LRPPRC: variants seen among roughly 807,000 people sequenced by gnomAD.
LRPPRC encodes the protein leucine rich pentatricopeptide repeat containing, also known as leucine-rich PPR motif-containing protein, mitochondrial.
A neutral mutation model predicts 180.3 loss-of-function variants in LRPPRC; 120 were observed. That is an observed-to-expected ratio of 0.67 (90% confidence interval 0.57 to 0.77). The LOEUF (loss-of-function observed/expected upper bound fraction) is 0.77. LRPPRC is among the 30% of genes least tolerant of loss of function. The probability of loss-of-function intolerance (pLI) is 0.00; values close to 1 mark genes in which losing one functional copy is unlikely to be tolerated. For synonymous variants in LRPPRC, 723 were observed against 600.0 expected (o/e 1.21, Z -3.00); for missense variants, 2,012 against 1,657.2 (o/e 1.21, Z -3.72).
intron 30 of LRPPRC, among the ~76,000 whole-genome samples, chr2:43,906,145 T>G (rs1252025817): frequency 6.6e-6 from 1 of 152,198 alleles, no homozygotes; most frequent in East Asian, 1.9e-4. Flanking sequence ...ACATTCACAG[T>G]AATTATAAAA....
chr2:43,917,351 C>T (rs772595390), intron 29 of LRPPRC, among the ~76,000 whole-genome samples: 6 of 151,914 alleles, frequency 3.9e-5, no homozygotes, highest in Non-Finnish European at 5.9e-5. Context: ...GCCCGGCCTG[C>T]TTCGTTTTTT....
Position 43,995,984 on chromosome 2 carries a change from C to CA in LRPPRC, c.-38dup. The stretch of plus-strand genomic sequence containing the variant: ...CCCCGCAGCGGGAAGCACGCTCCGC[C>CA]AGAAGGACAGGAGGAGCATGTGACC... On this transcript the variant is annotated 5_prime_UTR_variant, in exon 1 of 38. Transcript: ENST00000260665. 6.6e-7 allele frequency: 1 copy of CA among 1,523,024 alleles called. No individual in the cohort carries two copies. Among genetic ancestry groups the CA allele is most frequent in the Non-Finnish European group, 8.8e-7 (1 of 1,141,716 alleles). The allele number at this position is 1,523,024 out of a possible 1,614,324, so 94.3% of individuals were successfully genotyped here.
intron 1 of LRPPRC, among the ~76,000 whole-genome samples, chr2:43,982,929 AG>A (rs1674375753): frequency 7.0e-6 from 1 of 142,842 alleles, no homozygotes. Flanking sequence ...AAAACGATGC[AG>A]GGTTTTTTTT....
intron 26 of LRPPRC, 140 bp from the exon 27 acceptor site, chr2:43,925,297 C>G: frequency 2.9e-6 from 2 of 700,276 alleles, no homozygotes; most frequent in South Asian, 3.1e-5. Context: ...ATGGGCTGAG[C>G]ACAACAATAT....
chr2:43,917,920 T>G, intron 29 of LRPPRC, 105 bp downstream of exon 29: 1 of 750,304 alleles, frequency 1.3e-6, no homozygotes, highest in East Asian at 2.7e-5. Context: ...ATTTAAGTCC[T>G]ATCTCTATCC....
chr2:43,987,344 A>G (rs1674571504), intron 1 of LRPPRC, among the ~76,000 whole-genome samples: 3 of 151,994 alleles, frequency 2.0e-5, no homozygotes, highest in Admixed American at 2.0e-4. Flanking sequence ...GAATACAAAA[A>G]ATTAGCCAGG....
intron 1 of LRPPRC, among the ~76,000 whole-genome samples, chr2:43,992,971 A>T (rs1674853361): frequency 6.6e-6 from 1 of 152,240 alleles, no homozygotes; most frequent in South Asian, 2.1e-4. Context: ...GAGAAAACAC[A>T]GAAGGACCAC....
chr2:43,973,687 A>G lies in LRPPRC; in HGVS notation c.1289T>C (p.Val430Ala), dbSNP rs201778926. The part of the protein sequence containing the change: ...TDLAKALMKA[V>A]KEEGFPIRPH... ...TCTGATAGGAAAACCTTCCTCCTTCACAGCCTTCATTAAGGCTTTTGCCAA... is the reference window on the plus strand; with the variant it reads ...TCTGATAGGAAAACCTTCCTCCTTCGCAGCCTTCATTAAGGCTTTTGCCAA... Residue 430 changes from valine (V) to alanine (A), a missense_variant, in exon 11 of 38, where the codon GTG (valine) becomes GCG (alanine). Physicochemically the swap from Val to Ala is moderately conservative, Grantham distance 64 (BLOSUM62 0). Transcript: ENST00000260665. 1.9e-6 allele frequency: 3 copies of G among 1,613,952 alleles called. No homozygotes were observed. In the East Asian group the frequency reaches 6.7e-5, roughly 36 times the overall value.
chr2:43,915,053 CAA>C (rs71393213), intron 29 of LRPPRC, among the ~76,000 whole-genome samples: 387 of 96,830 alleles, frequency 4.0e-3, no homozygotes, highest in Non-Finnish European at 6.0e-3. Context: ...ACTAAAAATA[CAA>C]AAAAAAAAAA....
intron 2 of LRPPRC, among the ~76,000 whole-genome samples, 182 bp downstream of exon 2, chr2:43,982,056 C>G (rs191060425): frequency 6.6e-6 from 1 of 152,038 alleles, no homozygotes; most frequent in African/African-American, 2.4e-5. Flanking sequence ...TACAGGCACG[C>G]GCCACCATGC....
chr2:43,968,812 C>G (rs530647061), intron 11 of LRPPRC, among the ~76,000 whole-genome samples: 40 of 152,264 alleles, frequency 2.6e-4, no homozygotes, highest in African/African-American at 8.2e-4. Context: ...ATGGTGGCTA[C>G]TATTAGTAAT....
intron 25 of LRPPRC, among the ~76,000 whole-genome samples, chr2:43,930,780 T>C (rs1429594651): frequency 6.6e-6 from 1 of 152,286 alleles, no homozygotes; most frequent in East Asian, 1.9e-4. Context: ...TCCTTTATGG[T>C]TCCTGGTAGC....
chr2:43,930,029 C>T (rs1410905107), intron 25 of LRPPRC, among the ~76,000 whole-genome samples: 1 of 152,002 alleles, frequency 6.6e-6, no homozygotes, highest in African/African-American at 2.4e-5. Flanking sequence ...TCCACGCTGG[C>T]TTATTAAGGA....
intron 11 of LRPPRC, 147 bp from the exon 12 acceptor site, chr2:43,963,853 T>A (rs554556534): frequency 5.8e-6 from 4 of 690,478 alleles, no homozygotes; most frequent in African/African-American, 1.8e-5. Context: ...AAAGAAACAC[T>A]GTGAGATACA....
intron 27 of LRPPRC, among the ~76,000 whole-genome samples, chr2:43,918,984 T>G (rs977877433): frequency 6.6e-6 from 1 of 152,036 alleles, no homozygotes; most frequent in Non-Finnish European, 1.5e-5. Context: ...ATCTATGATC[T>G]TTGCAAAGGC....
intron 23 of LRPPRC, among the ~76,000 whole-genome samples, chr2:43,939,593 G>A (rs559072134): frequency 2.0e-5 from 3 of 152,282 alleles, no homozygotes; most frequent in Admixed American, 1.3e-4. Context: ...ACCAATTCAA[G>A]AGAAACCATC....
At chr2:43,990,733 G>A (rs899969874) in intron 1 of LRPPRC, among the ~76,000 whole-genome samples, 9 of 151,922 alleles carry the variant, frequency 5.9e-5, no homozygotes, top group African/African-American at 1.2e-4. Flanking sequence ...TGGACAGCAC[G>A]TCTAATAGTT....
At chr2:43,948,039 A>T in intron 18 of LRPPRC, 83 bp downstream of exon 18, 1 of 1,001,798 alleles carries the variant, frequency 1.0e-6, no homozygotes, top group Non-Finnish European at 1.6e-6. Context: ...TCTGACCAAA[A>T]GCATCATATT....
intron 20 of LRPPRC, among the ~76,000 whole-genome samples, chr2:43,946,753 G>A (rs1345848740): frequency 6.6e-6 from 1 of 151,936 alleles, no homozygotes; most frequent in African/African-American, 2.4e-5. Flanking sequence ...ACTAGAAAGT[G>A]AAAAATAGTC....
Sources: allele counts gnomAD v4.1 joint callset (sites outside exome capture counted in the v4.1 genomes callset), GRCh38; gene constraint gnomAD v4.1.1; transcripts MANE v1.5; gene names NCBI Gene and HGNC (gene_info 2026-07-23, HGNC 2026-07-21).